The following MAGI2 variants were observed in gnomAD, a reference collection of about 807,000 sequenced individuals.
MAGI2 encodes membrane-associated guanylate kinase, WW and PDZ domain-containing protein 2.
A neutral mutation model predicts 133.3 loss-of-function variants in MAGI2; 35 were observed. That is an observed-to-expected ratio of 0.26 (90% CI 0.20 to 0.35). The LOEUF (loss-of-function observed/expected upper bound fraction) is 0.35, where lower values mean the gene tolerates loss of function less well. MAGI2 is among the 10% of genes least tolerant of loss of function. The pLI, the probability that MAGI2 is intolerant of heterozygous loss-of-function variation, is 1.00. For synonymous variants in MAGI2, 729 were observed against 710.6 expected, an observed-to-expected ratio of 1.03 and a Z score of -0.41; for missense variants, 1,636 against 1,863.4, an observed-to-expected ratio of 0.88 and a Z score of 2.25.
intron 2 of MAGI2, among the ~76,000 whole-genome samples, chr7:78,821,877 G>A (rs1257398713): frequency 6.6e-6 from 1 of 151,792 alleles, no homozygotes; most frequent in Non-Finnish European, 1.5e-5. Context: ...ATAAAAGAAA[G>A]GCAAAGAAAA....
At chr7:78,876,321 C>CAAAAAAA (rs57950337) in intron 2 of MAGI2, among the ~76,000 whole-genome samples, 15,367 of 78,820 alleles carry the variant, frequency 0.19, 2,489 homozygotes, top group Middle Eastern at 0.29. Flanking sequence ...GACTCCGTCT[C>CAAAAAAA]AAAAAAAAAA....
chr7:78,755,645 C>T (rs571324083), intron 2 of MAGI2, among the ~76,000 whole-genome samples: 1 of 152,290 alleles, frequency 6.6e-6, no homozygotes, highest in South Asian at 2.1e-4. Context: ...GGTGATTTGA[C>T]AAAATAATTT....
At chr7:78,067,289 C>T (rs538137779) in intron 21 of MAGI2, among the ~76,000 whole-genome samples, 7 of 152,270 alleles carry the variant, frequency 4.6e-5, no homozygotes, top group East Asian at 1.9e-4. Flanking sequence ...GGAAGATACA[C>T]GTGCCAGGAG....
intron 1 of MAGI2, among the ~76,000 whole-genome samples, chr7:79,215,416 CACCTTTTT>C (rs1829938056): frequency 6.6e-6 from 1 of 151,986 alleles, no homozygotes; most frequent in South Asian, 2.1e-4. Context: ...AAGAGTCTGG[CACCTTTTT>C]AAGTCTGATA....
chr7:78,019,513 G>C lies in MAGI2; in HGVS notation c.4170C>G (p.Ala1390=), dbSNP rs1808088229. 1 of 980,200 alleles carries C rather than the reference G, an allele frequency of 1.0e-6. No homozygotes were observed. The highest frequency in any genetic ancestry group is 1.2e-6 in the Non-Finnish European group (1 of 828,170). The allele number at this position is 980,200 out of a possible 1,614,324, so 60.7% of individuals were successfully genotyped here. ...REGPGAAPAF[A]GPGGGGSGAL... ...CGCCGCTGCCGCCGCCGCCCGGGCCGGCAAACGCCGGCGCAGCCCCCGGGC... is the reference window on the plus strand; with the variant it reads ...CGCCGCTGCCGCCGCCGCCCGGGCCCGCAAACGCCGGCGCAGCCCCCGGGC... The change falls in exon 22 of 22, where the codon GCC becomes GCG. Residue 1390 remains alanine, a synonymous_variant. Coordinates refer to ENST00000354212, the MANE Select transcript of MAGI2 (RefSeq NM_012301.4).
chr7:78,284,756 A>C (rs1795975895), intron 9 of MAGI2, among the ~76,000 whole-genome samples: 1 of 152,082 alleles, frequency 6.6e-6, no homozygotes, highest in African/African-American at 2.4e-5. Context: ...AAATGGGAGC[A>C]GAATCAGCCG....
intron 1 of MAGI2, among the ~76,000 whole-genome samples, chr7:79,020,843 G>C (rs1256913515): frequency 6.6e-6 from 1 of 152,044 alleles, no homozygotes; most frequent in East Asian, 1.9e-4. Context: ...AATGTCTCCA[G>C]GGCATGTCAG....
chr7:79,356,680 T>G (rs943588925), intron 1 of MAGI2, among the ~76,000 whole-genome samples: 1 of 152,130 alleles, frequency 6.6e-6, no homozygotes, highest in South Asian at 2.1e-4. Context: ...AATACTGGCA[T>G]TCATAGAAAA....
chr7:79,190,398 G>T (rs1041882263), intron 1 of MAGI2, among the ~76,000 whole-genome samples: 2 of 151,762 alleles, frequency 1.3e-5, no homozygotes, highest in Non-Finnish European at 2.9e-5. Flanking sequence ...CGTTTCATAT[G>T]CTTATTTGCC....
At chr7:79,261,611 C>G (rs1834095446) in intron 1 of MAGI2, among the ~76,000 whole-genome samples, 1 of 152,174 alleles carries the variant, frequency 6.6e-6, no homozygotes, top group African/African-American at 2.4e-5. Flanking sequence ...CACACACAAG[C>G]ATGCAAACTA....
chr7:78,936,968 C>T (rs913827151), intron 2 of MAGI2, among the ~76,000 whole-genome samples: 75 of 151,824 alleles, frequency 4.9e-4, no homozygotes, highest in African/African-American at 1.7e-3. Flanking sequence ...ACAAAAATGC[C>T]CCAGTAACAA....
intron 2 of MAGI2, among the ~76,000 whole-genome samples, chr7:78,829,485 A>G (rs2151439611): frequency 6.6e-6 from 1 of 152,158 alleles, no homozygotes; most frequent in Middle Eastern, 3.4e-3. Flanking sequence ...TGTTTATTGT[A>G]TTCTGTTTCT....
chr7:78,619,309 G>A (rs1314994843), intron 3 of MAGI2, among the ~76,000 whole-genome samples: 1 of 151,600 alleles, frequency 6.6e-6, no homozygotes, highest in Non-Finnish European at 1.5e-5. Context: ...AGAACCCTAG[G>A]TTTTACCTAA....
chr7:79,061,432 T>C (rs1813721910), intron 1 of MAGI2, among the ~76,000 whole-genome samples: 1 of 151,996 alleles, frequency 6.6e-6, no homozygotes, highest in Non-Finnish European at 1.5e-5. Flanking sequence ...GTCGGAGATA[T>C]TTAGAGGCAT....
chr7:78,890,022 G>A (rs1453570252), intron 2 of MAGI2, among the ~76,000 whole-genome samples: 1 of 152,132 alleles, frequency 6.6e-6, no homozygotes, highest in Admixed American at 6.5e-5. Flanking sequence ...CAAAATAAAG[G>A]GATGGAGGAA....
chr7:78,668,411 G>T (rs1188370759), intron 2 of MAGI2, among the ~76,000 whole-genome samples: 1 of 150,768 alleles, frequency 6.6e-6, no homozygotes. Context: ...GATCCCATTT[G>T]TCAATTTTGT....
chr7:78,239,259 T>C (rs1166707460), intron 10 of MAGI2, among the ~76,000 whole-genome samples: 1 of 152,054 alleles, frequency 6.6e-6, no homozygotes, highest in Non-Finnish European at 1.5e-5. Flanking sequence ...AAATATCAAC[T>C]CAAAATGGCT....
chr7:79,372,500 T>A (rs960911947), intron 1 of MAGI2, among the ~76,000 whole-genome samples: 3 of 152,102 alleles, frequency 2.0e-5, no homozygotes, highest in Non-Finnish European at 2.9e-5. Flanking sequence ...AGCTTCATGA[T>A]AACAGGGATT....
At chr7:79,452,856 A>G (rs1218432193) in intron 1 of MAGI2, 164 bp downstream of exon 1, 4 of 705,186 alleles carry the variant, frequency 5.7e-6, no homozygotes, top group African/African-American at 1.8e-5. Context: ...TTAGCCCCCA[A>G]GTCGAATCCC....
Sources: gnomAD v4.1 joint callset for allele counts (sites outside exome capture counted in the v4.1 genomes callset) on GRCh38, gnomAD v4.1.1 for gene constraint, MANE v1.5 for transcripts, NCBI Gene and HGNC (gene_info 2026-07-23, HGNC 2026-07-21) for gene names.